Variants in ARHGAP28 observed in about 807,000 individuals in gnomAD.
ARHGAP28 encodes the protein Rho GTPase activating protein 28, also known as rho GTPase-activating protein 28.
ARHGAP28 carries 56 observed loss-of-function variants against 90.7 expected under a neutral mutation model. The ratio of observed to expected loss-of-function variants is 0.62; its 90% CI spans 0.50 to 0.77. ARHGAP28 has a LOEUF of 0.77. Among genes scored for constraint, ARHGAP28 ranks in the 30% least tolerant of loss-of-function variants. The pLI is 0.00. For missense variants in ARHGAP28, 869 were observed against 900.9 expected (o/e 0.96, Z 0.45); for synonymous variants, 308 against 323.3 (o/e 0.95, Z 0.51).
At chr18:6,821,626 A>G (rs916476373) in intron 1 of ARHGAP28, among the ~76,000 whole-genome samples, 4 of 152,202 alleles carry the variant, frequency 2.6e-5, no homozygotes, top group Admixed American at 1.3e-4. Context: ...GAGCTCTTCC[A>G]AGTGCTCTTA....
intron 1 of ARHGAP28, among the ~76,000 whole-genome samples, chr18:6,792,571 C>T (rs549294388): frequency 4.6e-5 from 7 of 152,286 alleles, no homozygotes; most frequent in South Asian, 2.1e-4. Context: ...AATCAGAAAA[C>T]GCTCCCACAG....
intron 1 of ARHGAP28, among the ~76,000 whole-genome samples, chr18:6,798,664 A>G (rs1211679053): frequency 3.3e-5 from 5 of 152,204 alleles, no homozygotes; most frequent in Admixed American, 2.6e-4. Context: ...ACCCACAGTG[A>G]TATAATGGAC....
intron 2 of ARHGAP28, among the ~76,000 whole-genome samples, chr18:6,836,938 T>C (rs2056758205): frequency 6.6e-6 from 1 of 152,202 alleles, no homozygotes; most frequent in Non-Finnish European, 1.5e-5. Flanking sequence ...AGGACAGATA[T>C]GGCTCATGTT....
chr18:6,902,574 A>G (rs2057343774), intron 16 of ARHGAP28, among the ~76,000 whole-genome samples: 1 of 152,172 alleles, frequency 6.6e-6, no homozygotes, highest in African/African-American at 2.4e-5. Flanking sequence ...TCCTCCTTTA[A>G]CTTATGTGAT....
chr18:6,890,603 G>T, intron 14 of ARHGAP28, 60 bp downstream of exon 14: 1 of 1,016,694 alleles, frequency 9.8e-7, no homozygotes, highest in Non-Finnish European at 1.5e-6. Flanking sequence ...TCCTCAAAGG[G>T]GGGCACAAAG....
chr18:6,734,733 G>A (rs539493388), intron 1 of ARHGAP28, among the ~76,000 whole-genome samples: 15 of 152,238 alleles, frequency 9.9e-5, no homozygotes, highest in African/African-American at 2.6e-4. Context: ...ATGTAGGCCC[G>A]TATGAGCTTA....
intron 9 of ARHGAP28, 71 bp from the exon 10 acceptor site, chr18:6,876,060 C>T: frequency 8.3e-7 from 1 of 1,210,830 alleles, no homozygotes; most frequent in Non-Finnish European, 1.2e-6. Context: ...TTCATGTCAT[C>T]ATTGTTACTG....
intron 1 of ARHGAP28, among the ~76,000 whole-genome samples, chr18:6,770,767 G>A (rs2056236099): frequency 1.3e-5 from 2 of 152,096 alleles, no homozygotes; most frequent in South Asian, 2.1e-4. Context: ...GTGAAGGGGA[G>A]AGGGAAGAGG....
chr18:6,850,856 A>G (rs2056904596), intron 3 of ARHGAP28, 178 bp from the exon 4 acceptor site: 1 of 1,536,518 alleles, frequency 6.5e-7, no homozygotes, highest in African/African-American at 1.4e-5. Flanking sequence ...TATGAGGATC[A>G]ATGTAATTAT....
chr18:6,743,481 C>T (rs2055996904), intron 1 of ARHGAP28, among the ~76,000 whole-genome samples: 3 of 152,138 alleles, frequency 2.0e-5, no homozygotes, highest in African/African-American at 7.2e-5. Flanking sequence ...TTGGAAACTA[C>T]CAGGGAAGTC....
chr18:6,787,810 C>G (rs1444037134), intron 1 of ARHGAP28, among the ~76,000 whole-genome samples: 1 of 152,208 alleles, frequency 6.6e-6, no homozygotes, highest in African/African-American at 2.4e-5. Context: ...TATACAGGCA[C>G]AAGAGATTTC....
chr18:6,797,686 C>T (rs1275918192), intron 1 of ARHGAP28, among the ~76,000 whole-genome samples: 3 of 150,096 alleles, frequency 2.0e-5, no homozygotes, highest in Non-Finnish European at 3.0e-5. Context: ...TTTTAAGTCG[C>T]AGTCTCACTC....
intron 14 of ARHGAP28, among the ~76,000 whole-genome samples, chr18:6,894,011 T>C (rs374157546): frequency 1.3e-3 from 196 of 151,856 alleles, no homozygotes; most frequent in African/African-American, 4.6e-3. Context: ...GGACTACAGA[T>C]ACGTGCCACC....
At chr18:6,805,530 G>A (rs2143652543) in intron 1 of ARHGAP28, among the ~76,000 whole-genome samples, 1 of 128,168 alleles carries the variant, frequency 7.8e-6, no homozygotes, top group East Asian at 2.3e-4. Flanking sequence ...TTGTTGCCCA[G>A]GCTGGAGTGC....
chr18:6,893,867 G>GTTTTTTTT (rs5822929), intron 14 of ARHGAP28, among the ~76,000 whole-genome samples: 2 of 130,818 alleles, frequency 1.5e-5, no homozygotes, highest in Non-Finnish European at 3.1e-5. Context: ...TTGCTTTTTG[G>GTTTTTTTT]TTTTTTTTTT....
chr18:6,881,352 C>T (rs1196403047), intron 10 of ARHGAP28, among the ~76,000 whole-genome samples: 1 of 152,164 alleles, frequency 6.6e-6, no homozygotes, highest in Non-Finnish European at 1.5e-5. Flanking sequence ...AGCTGGGAGA[C>T]TGACTATAAC....
chr18:6,877,838 A>G (rs1239580449), intron 10 of ARHGAP28, among the ~76,000 whole-genome samples: 1 of 152,230 alleles, frequency 6.6e-6, no homozygotes, highest in Non-Finnish European at 1.5e-5. Context: ...ATATCTGCAG[A>G]GTCAGAGAAC....
At chr18:6,762,163 T>C (rs754424218) in intron 1 of ARHGAP28, among the ~76,000 whole-genome samples, 2 of 152,208 alleles carry the variant, frequency 1.3e-5, no homozygotes, top group African/African-American at 4.8e-5. Flanking sequence ...TGTCAGCCTT[T>C]CTGGCTTGTC....
At chr18:6,829,103 G>T (rs760680389) in intron 2 of ARHGAP28, among the ~76,000 whole-genome samples, 2 of 152,122 alleles carry the variant, frequency 1.3e-5, no homozygotes, top group Non-Finnish European at 2.9e-5. Context: ...CCATTCAAGG[G>T]AACCATCCTC....
Sources: gnomAD v4.1 joint callset for allele counts (sites outside exome capture counted in the v4.1 genomes callset) on GRCh38, gnomAD v4.1.1 for gene constraint, MANE v1.5 for transcripts, NCBI Gene and HGNC (gene_info 2026-07-23, HGNC 2026-07-21) for gene names.